The following ENTREP1 variants were observed in gnomAD, a reference collection of about 807,000 sequenced individuals.
ENTREP1 encodes Friedreich ataxia region gene X123.
chr9:69,391,848 CCT>C, the ENTREP1 span: 1 of 1,514,370 alleles, frequency 6.6e-7, no homozygotes, highest in South Asian at 1.2e-5. Flanking sequence ...GGATCCCTCT[CCT>C]CTCTGCCATT....
At chr9:69,334,912 A>G in the ENTREP1 span, among the ~76,000 whole-genome samples, 2 of 151,148 alleles carry the variant, frequency 1.3e-5, no homozygotes, top group Non-Finnish European at 2.9e-5. Context: ...AAGTAGCGTC[A>G]CCATGCCCAG....
the ENTREP1 span, among the ~76,000 whole-genome samples, chr9:69,378,686 G>A: frequency 6.6e-6 from 1 of 151,992 alleles, no homozygotes; most frequent in East Asian, 1.9e-4. Context: ...ATGAACCTGG[G>A]AGGTGGAGCT....
chr9:69,335,915 T>G, the ENTREP1 span, among the ~76,000 whole-genome samples: 1 of 57,010 alleles, frequency 1.8e-5, no homozygotes. Context: ...GCCCAGAAAG[T>G]CAAGGCTGCA....
the ENTREP1 span, among the ~76,000 whole-genome samples, chr9:69,354,116 A>G: frequency 6.6e-6 from 1 of 152,170 alleles, no homozygotes; most frequent in African/African-American, 2.4e-5. Context: ...CAGGCTCATC[A>G]AGTATCTAGG....
the ENTREP1 span, chr9:69,385,911 A>G: frequency 2.6e-5 from 42 of 1,613,186 alleles, no homozygotes; most frequent in Non-Finnish European, 3.5e-5. Context: ...GACCAGGTCG[A>G]AGAGTGACCC....
the ENTREP1 span, among the ~76,000 whole-genome samples, chr9:69,385,593 T>C: frequency 1.2e-4 from 18 of 151,904 alleles, no homozygotes; most frequent in Non-Finnish European, 1.9e-4. Flanking sequence ...TGTGGAGGGG[T>C]GGTTTGGAAA....
chr9:69,367,726 TAA>T, the ENTREP1 span, among the ~76,000 whole-genome samples: 81 of 51,784 alleles, frequency 1.6e-3, 2 homozygotes, highest in African/African-American at 2.6e-3. Context: ...CACATATATA[TAA>T]AAATATATAT....
chr9:69,391,822 G>A, the ENTREP1 span: 1 of 1,570,242 alleles, frequency 6.4e-7, no homozygotes, highest in Non-Finnish European at 8.7e-7. Flanking sequence ...AAGACAGAAG[G>A]CCACTCCAAG....
chr9:69,384,015 A>C, the ENTREP1 span: 12 of 1,608,468 alleles, frequency 7.5e-6, no homozygotes. Flanking sequence ...GCTGCACACA[A>C]GTGACTCAAG....
At chr9:69,383,618 C>T in the ENTREP1 span, 639 of 1,613,882 alleles carry the variant, frequency 4.0e-4, 2 homozygotes, top group Middle Eastern at 2.0e-3. Context: ...GACGCCAAGT[C>T]GCTTTTCCTA....
the ENTREP1 span, among the ~76,000 whole-genome samples, chr9:69,373,025 G>T: frequency 1.8e-5 from 1 of 54,272 alleles, no homozygotes; most frequent in Non-Finnish European, 3.7e-5. Flanking sequence ...TTTTAAAATT[G>T]AGTTATTTTT....
the ENTREP1 span, chr9:69,375,646 T>C: frequency 1.9e-6 from 2 of 1,042,032 alleles, no homozygotes; most frequent in East Asian, 4.9e-5. Flanking sequence ...CCTGCCATCA[T>C]CTCATTCTAC....
chr9:69,364,779 A>G, the ENTREP1 span, among the ~76,000 whole-genome samples: 2 of 152,352 alleles, frequency 1.3e-5, no homozygotes, highest in South Asian at 2.1e-4. Flanking sequence ...ATAACATAAT[A>G]GTAAAGTCAT....
chr9:69,387,548 G>T, the ENTREP1 span: 3 of 191,630 alleles, frequency 1.6e-5, no homozygotes, highest in African/African-American at 7.1e-5. Context: ...GCTCTCTGTT[G>T]ACTTCCAGAA....
chr9:69,388,008 CCTT>C, the ENTREP1 span: 11 of 1,522,812 alleles, frequency 7.2e-6, no homozygotes, highest in Non-Finnish European at 9.8e-6. Context: ...TGTTTTCCCT[CCTT>C]CTGCAAGATG....
chr9:69,352,177 C>T, the ENTREP1 span, among the ~76,000 whole-genome samples: 4 of 152,062 alleles, frequency 2.6e-5, no homozygotes, highest in South Asian at 2.1e-4. Context: ...AGTGCAGTGG[C>T]ACCATCTCAG....
the ENTREP1 span, chr9:69,383,748 GACCAGGAGCAGGTACTGTCTGTCCTGA>G: frequency 6.2e-7 from 1 of 1,614,118 alleles, no homozygotes; most frequent in Non-Finnish European, 8.5e-7. Flanking sequence ...GAGCCAGATG[GACCAGGAGCAGGTACTGTCTGTCCTGA>G]ATCTCTCTAA....
chr9:69,328,798 A>G, the ENTREP1 span, among the ~76,000 whole-genome samples: 1 of 152,202 alleles, frequency 6.6e-6, no homozygotes, highest in Admixed American at 6.5e-5. Flanking sequence ...TAGTAAATTC[A>G]CAGTTGTGCA....
chr9:69,347,678 A>G, the ENTREP1 span, among the ~76,000 whole-genome samples: 1 of 152,180 alleles, frequency 6.6e-6, no homozygotes, highest in Non-Finnish European at 1.5e-5. Context: ...CCTGATATTG[A>G]TCAGACAAGT....
Sources: allele counts gnomAD v4.1 joint callset (sites outside exome capture counted in the v4.1 genomes callset), GRCh38; gene constraint gnomAD v4.1.1; transcripts MANE v1.5; gene names NCBI Gene and HGNC (gene_info 2026-07-23, HGNC 2026-07-21).